Variants in RNF2 observed in about 807,000 individuals in gnomAD.
RNF2 encodes E3 ubiquitin-protein ligase RING2.
RNF2 carries 6 observed loss-of-function variants against 37.2 expected under a neutral mutation model. That is an observed-to-expected ratio of 0.16 (90% CI 0.09 to 0.32). The LOEUF (loss-of-function observed/expected upper bound fraction) is 0.32. Among genes scored for constraint, RNF2 ranks in the 10% least tolerant of loss-of-function variants. The pLI, the probability that RNF2 is intolerant of heterozygous loss-of-function variation, is 1.00. For missense variants in RNF2, 251 were observed against 404.0 expected, an observed-to-expected ratio of 0.62 and a Z score of 3.25; for synonymous variants, 133 against 132.7, an observed-to-expected ratio of 1.00 and a Z score of -0.02.
At chr1:185,056,238 A>G (rs1402149102) in intron 1 of RNF2, among the ~76,000 whole-genome samples, 1 of 151,738 alleles carries the variant, frequency 6.6e-6, no homozygotes, top group Non-Finnish European at 1.5e-5. Flanking sequence ...ATGTCAGTTT[A>G]ATTTGTTCTG....
At chr1:185,070,697 G>T (rs151033160) in intron 1 of RNF2, among the ~76,000 whole-genome samples, 1,801 of 146,306 alleles carry the variant, frequency 0.012, 37 homozygotes, top group African/African-American at 0.043. Context: ...GGAGTGCAGT[G>T]GCGCGATCTC....
intron 1 of RNF2, among the ~76,000 whole-genome samples, chr1:185,051,596 A>G (rs972661400): frequency 1.3e-5 from 2 of 151,980 alleles, no homozygotes; most frequent in Admixed American, 6.6e-5. Context: ...TTTTGTGTCT[A>G]TTTTCAAGTT....
chr1:185,056,269 G>A (rs1444708022), intron 1 of RNF2, among the ~76,000 whole-genome samples: 1 of 151,514 alleles, frequency 6.6e-6, no homozygotes, highest in Non-Finnish European at 1.5e-5. Flanking sequence ...GGTAATCTTT[G>A]GAATAATTGA....
chr1:185,095,286 C>T (rs1320797729), intron 4 of RNF2, among the ~76,000 whole-genome samples: 1 of 152,138 alleles, frequency 6.6e-6, no homozygotes, highest in Non-Finnish European at 1.5e-5. Context: ...GTATGATAGG[C>T]ACTCCTTTCT....
chr1:185,065,172 CTG>C lies in RNF2; in HGVS notation c.-3+19527_-3+19528del, dbSNP rs1332557856. Among the ~76,000 whole-genome samples the C allele has an allele frequency of 3.3e-5, 5 of 152,156 alleles. No individual in the cohort carries two copies. The East Asian group carries it at 9.7e-4, about 29-fold the overall frequency. On this transcript the variant is annotated intron_variant, in intron 1 of 6. Transcript: ENST00000367510. ...GATTGTAAATTTACCAATCAGCCCT[CTG>C]TGTCTAGCTAAAGGATTGTAAATGC... is the stretch of plus-strand genomic sequence containing the variant.
chr1:185,049,734 A>C (rs1481283340), intron 1 of RNF2, among the ~76,000 whole-genome samples: 1 of 151,536 alleles, frequency 6.6e-6, no homozygotes, highest in African/African-American at 2.4e-5. Context: ...CTCAGAGAAG[A>C]GGTTCTATGG....
Position 185,098,217 on chromosome 1 carries a change from G to T in RNF2, c.610G>T (p.Gly204Trp). The T allele has an allele frequency of 6.2e-7, 1 of 1,614,166 alleles. No individual in the cohort carries two copies. Among genetic ancestry groups the T allele is most frequent in the Non-Finnish European group, 8.5e-7 (1 of 1,180,022 alleles). Reference sequence around the variant, plus strand: ...ACGGACCAAAACATCTGATGATTCTGGGCTAGAGCTTGATAATAACAATGC... The same window carrying T: ...ACGGACCAAAACATCTGATGATTCTTGGCTAGAGCTTGATAATAACAATGC... ...NKRTKTSDDS[G>W]LELDNNNAAM... Residue 204 changes from glycine to tryptophan, a missense_variant, in exon 5 of 7, where the codon GGG (glycine) becomes TGG (tryptophan). Coordinates refer to ENST00000367510, the MANE Select transcript of RNF2 (RefSeq NM_007212.4).
chr1:185,058,796 T>G (rs1012747290), intron 1 of RNF2, among the ~76,000 whole-genome samples: 1 of 152,228 alleles, frequency 6.6e-6, no homozygotes, highest in African/African-American at 2.4e-5. Flanking sequence ...TGTTTGGAGC[T>G]CTTTGCAATA....
At chr1:185,068,818 C>A (rs901446892) in intron 1 of RNF2, among the ~76,000 whole-genome samples, 1 of 152,170 alleles carries the variant, frequency 6.6e-6, no homozygotes, top group Non-Finnish European at 1.5e-5. Context: ...TACCTAAACT[C>A]TTTCTCCTTT....
In RNF2 at chr1:185,100,522, A is replaced by T. The variant is rs1184533682; in HGVS notation, c.*221A>T. ...AGTATTTTTTTCTTTCCTTTAAAAAAATATATCTGAAGTTTCTTGTGTTTT... is the reference window on the plus strand; with the variant it reads ...AGTATTTTTTTCTTTCCTTTAAAAATATATATCTGAAGTTTCTTGTGTTTT... On this transcript the variant is annotated 3_prime_UTR_variant, in exon 7 of 7. Transcript: ENST00000367510. 1 of 345,154 alleles carries T rather than the reference A, an allele frequency of 2.9e-6. No homozygotes were observed. The highest frequency in any genetic ancestry group is 5.2e-6 in the Non-Finnish European group (1 of 192,174). The allele number at this position is 345,154 out of a possible 1,614,324, so 21.4% of individuals were successfully genotyped here. A position where few individuals can be genotyped will look rare whatever the true frequency, so the allele number is the denominator to read the frequency against.
intron 1 of RNF2, among the ~76,000 whole-genome samples, chr1:185,062,462 A>G (rs1650636122): frequency 1.3e-5 from 2 of 152,182 alleles, no homozygotes; most frequent in South Asian, 4.1e-4. Context: ...ATCAGTGGAG[A>G]AGAGAGAACT....
chr1:185,092,948 C>G, intron 3 of RNF2, 113 bp from the exon 4 acceptor site: 2 of 876,582 alleles, frequency 2.3e-6, no homozygotes, highest in South Asian at 1.7e-5. Context: ...ATTTCTGTGA[C>G]TTATTAAAGG....
At chr1:185,057,897 G>T (rs1650482105) in intron 1 of RNF2, among the ~76,000 whole-genome samples, 1 of 152,050 alleles carries the variant, frequency 6.6e-6, no homozygotes, top group Non-Finnish European at 1.5e-5. Context: ...CACTTAGATG[G>T]ATGGGTCACT....
At chr1:185,093,315 C>G (rs546073761) in intron 4 of RNF2, 39 bp downstream of exon 4, 34 of 1,562,624 alleles carry the variant, frequency 2.2e-5, no homozygotes, top group Non-Finnish European at 3.0e-5. Context: ...AGCTGTTTTT[C>G]TGAATACTTT....
At chr1:185,048,416 A>C (rs1045596714) in intron 1 of RNF2, among the ~76,000 whole-genome samples, 5 of 152,210 alleles carry the variant, frequency 3.3e-5, no homozygotes, top group African/African-American at 1.2e-4. Flanking sequence ...ATTACTAAAA[A>C]TTCTAAGATT....
intron 4 of RNF2, among the ~76,000 whole-genome samples, chr1:185,093,576 ACATT>A (rs1651830165): frequency 1.3e-5 from 2 of 152,156 alleles, no homozygotes; most frequent in African/African-American, 4.8e-5. Context: ...CTCCAATCAG[ACATT>A]CATCCTCACC....
At chr1:185,077,625 G>GTTTTTTTTTTTTTTTTTTTTTTT (rs528747420) in intron 1 of RNF2, among the ~76,000 whole-genome samples, 9 of 115,674 alleles carry the variant, frequency 7.8e-5, no homozygotes, top group African/African-American at 3.0e-4. Flanking sequence ...AATTAACTTT[G>GTTTTTTTTTTTTTTTTTTTTTTT]TTTTTTTTTT....
intron 4 of RNF2, among the ~76,000 whole-genome samples, chr1:185,095,537 C>G (rs940820340): frequency 6.6e-5 from 10 of 152,206 alleles, no homozygotes; most frequent in African/African-American, 2.2e-4. Context: ...ATCACTCTCT[C>G]ATGTGTTACC....
At chr1:185,098,406 G>GCAGT in intron 5 of RNF2, 62 bp downstream of exon 5, 3 of 1,561,566 alleles carry the variant, frequency 1.9e-6, no homozygotes, top group Non-Finnish European at 2.6e-6. Flanking sequence ...GAGGTAAAAG[G>GCAGT]CAGTCTTGTA....
Sources: allele counts gnomAD v4.1 joint callset (sites outside exome capture counted in the v4.1 genomes callset), GRCh38; gene constraint gnomAD v4.1.1; transcripts MANE v1.5; gene names NCBI Gene and HGNC (gene_info 2026-07-23, HGNC 2026-07-21).